Variants in NCOR1 observed in about 807,000 individuals in gnomAD.
The protein encoded by NCOR1 is protein phosphatase 1, regulatory subunit 109.
Under a neutral mutation model 288.1 loss-of-function variants are expected in NCOR1, and 63 were observed. The observed-to-expected ratio is 0.22, with a 90% CI of 0.18 to 0.27. The LOEUF (loss-of-function observed/expected upper bound fraction) is 0.27. Ranked by LOEUF, NCOR1 falls within the 10% of genes least tolerant of loss-of-function variation. NCOR1 has a pLI of 1.00. For synonymous variants in NCOR1, 1,007 were observed against 1,065.9 expected (o/e 0.94, Z 1.08); for missense variants, 2,397 against 3,019.2 (o/e 0.79, Z 4.83).
intron 18 of NCOR1, among the ~76,000 whole-genome samples, chr17:16,111,597 A>T (rs956646793): frequency 6.6e-6 from 1 of 151,812 alleles, no homozygotes; most frequent in Admixed American, 6.6e-5. Flanking sequence ...GCGAAACTCC[A>T]TCTCAAAAAA....
chr17:16,172,062 C>G, intron 3 of NCOR1, 67 bp from the exon 4 acceptor site: 1 of 1,261,138 alleles, frequency 7.9e-7, no homozygotes, highest in South Asian at 1.6e-5. Flanking sequence ...TGGTAACATC[C>G]CTGGTTAGAC....
intron 3 of NCOR1, among the ~76,000 whole-genome samples, chr17:16,183,472 C>T (rs2085971883): frequency 6.6e-6 from 1 of 151,302 alleles, no homozygotes; most frequent in South Asian, 2.1e-4. Context: ...ATCAAGGAAA[C>T]AATTTATGAC....
chr17:16,208,368 T>C (rs1305259370), intron 1 of NCOR1, among the ~76,000 whole-genome samples: 1 of 151,786 alleles, frequency 6.6e-6, no homozygotes, highest in African/African-American at 2.4e-5. Flanking sequence ...AACCGTTCTG[T>C]ATTTCTAACT....
intron 4 of NCOR1, among the ~76,000 whole-genome samples, chr17:16,170,137 G>GTGTGTGTGTGTGTA (rs2153460349): frequency 6.6e-6 from 1 of 151,854 alleles, no homozygotes; most frequent in East Asian, 1.9e-4. Flanking sequence ...GTGTGTGTGT[G>GTGTGTGTGTGTGTA]TATAACTTCA....
chr17:16,210,663 G>T (rs2092029134), intron 1 of NCOR1, among the ~76,000 whole-genome samples: 1 of 151,692 alleles, frequency 6.6e-6, no homozygotes, highest in Admixed American at 6.6e-5. Context: ...TTAATATTAA[G>T]AAGTATCTTA....
chr17:16,174,823 G>A (rs7208681), intron 3 of NCOR1, among the ~76,000 whole-genome samples: 4 of 152,118 alleles, frequency 2.6e-5, no homozygotes, highest in South Asian at 2.1e-4. Flanking sequence ...CTTTGAAAAC[G>A]ATCTGGTAGT....
At chr17:16,149,393 T>TAA in intron 9 of NCOR1, 58 bp downstream of exon 9, 2 of 1,028,390 alleles carry the variant, frequency 1.9e-6, no homozygotes, top group East Asian at 5.3e-5. Context: ...AGTGAATGCC[T>TAA]AAATGAGCAT....
chr17:16,146,594 G>A (rs2153349342), intron 9 of NCOR1, 46 bp from the exon 10 acceptor site: 1 of 1,468,514 alleles, frequency 6.8e-7, no homozygotes, highest in South Asian at 1.4e-5. Flanking sequence ...ACTAAACTCT[G>A]ATTCTGACAA....
At chr17:16,110,825 G>GTCA (rs2069952977) in intron 18 of NCOR1, among the ~76,000 whole-genome samples, 1 of 152,188 alleles carries the variant, frequency 6.6e-6, no homozygotes, top group Admixed American at 6.5e-5. Flanking sequence ...TAATATCAGA[G>GTCA]TCACAGAATT....
intron 15 of NCOR1, among the ~76,000 whole-genome samples, chr17:16,125,232 G>A (rs546858348): frequency 1.1e-3 from 162 of 152,070 alleles, no homozygotes; most frequent in African/African-American, 3.5e-3. Flanking sequence ...GCGTGGTGAC[G>A]CGTGCCTGTA....
chr17:16,206,621 G>A (rs570375715), intron 1 of NCOR1, among the ~76,000 whole-genome samples: 1 of 152,180 alleles, frequency 6.6e-6, no homozygotes, highest in Non-Finnish European at 1.5e-5. Context: ...CCTGACCTCC[G>A]GTGATCTACC....
chr17:16,128,228 A>C (rs2075055820), intron 14 of NCOR1, among the ~76,000 whole-genome samples: 1 of 152,104 alleles, frequency 6.6e-6, no homozygotes, highest in African/African-American at 2.4e-5. Context: ...GACTCACCTA[A>C]ACATGCCCAG....
intron 18 of NCOR1, 46 bp from the exon 19 acceptor site, chr17:16,108,958 A>G (rs2153057703): frequency 6.9e-7 from 1 of 1,458,626 alleles, no homozygotes; most frequent in Non-Finnish European, 9.2e-7. Flanking sequence ...CTAAAAAGAA[A>G]AAAAAATTCA....
chr17:16,120,989 C>A, intron 16 of NCOR1, 63 bp downstream of exon 16: 1 of 1,429,482 alleles, frequency 7.0e-7, no homozygotes, highest in Non-Finnish European at 9.7e-7. Flanking sequence ...CTACCCTATC[C>A]TAGCAGTGAA....
chr17:16,088,265 A>G (rs189071963), intron 22 of NCOR1, among the ~76,000 whole-genome samples: 4 of 152,302 alleles, frequency 2.6e-5, no homozygotes, highest in Admixed American at 6.5e-5. Context: ...ATTTTATAAT[A>G]ATGAGTTTTC....
chr17:16,146,629 A>G lies in NCOR1; in HGVS notation c.910-81T>C, dbSNP rs978486666. On this transcript the variant is annotated intron_variant, in intron 9 of 45. Transcript: ENST00000268712. ...AACCTAATACTTTAAAATAAATGCT[A>G]CTTCTTAAGGTTAAGTCAGAAGTAC... 5.6e-6 allele frequency: 7 copies of G among 1,254,958 alleles called. No homozygotes were observed. In the Admixed American group the frequency reaches 8.7e-5, roughly 16 times the overall value. The allele number at this position is 1,254,958 out of a possible 1,614,324, so 77.7% of individuals were successfully genotyped here. A position where few individuals can be genotyped will look rare whatever the true frequency, so the allele number is the denominator to read the frequency against.
intron 45 of NCOR1, 47 bp downstream of exon 45, chr17:16,034,718 G>A (rs1567617615): frequency 5.4e-6 from 8 of 1,486,914 alleles, no homozygotes; most frequent in Non-Finnish European, 7.3e-6. Context: ...CCAAGACATT[G>A]ATATTATTGC....
intron 3 of NCOR1, among the ~76,000 whole-genome samples, chr17:16,183,468 GA>G (rs2085971191): frequency 6.6e-6 from 1 of 151,478 alleles, no homozygotes; most frequent in African/African-American, 2.4e-5. Flanking sequence ...AGAAATCAAG[GA>G]AACAATTTAT....
intron 3 of NCOR1, 79 bp downstream of exon 3, chr17:16,186,475 G>C: frequency 1.4e-6 from 2 of 1,458,156 alleles, no homozygotes; most frequent in Admixed American, 2.3e-5. Context: ...TTAATAAAAA[G>C]TAAAAAAATA....
Sources: allele counts gnomAD v4.1 joint callset (sites outside exome capture counted in the v4.1 genomes callset), GRCh38; gene constraint gnomAD v4.1.1; transcripts MANE v1.5; gene names NCBI Gene and HGNC (gene_info 2026-07-23, HGNC 2026-07-21).